Variants in MB21D2 observed in about 807,000 individuals in gnomAD.
MB21D2 encodes Mab-21 domain containing 2.
Under a neutral mutation model 33.3 loss-of-function variants are expected in MB21D2, and 9 were observed. That is an observed-to-expected ratio of 0.27 (90% CI 0.16 to 0.47). The LOEUF is 0.47. Ranked by LOEUF, MB21D2 falls within the 20% of genes least tolerant of loss-of-function variation. MB21D2 has a pLI of 0.99. For missense variants in MB21D2, 540 were observed against 624.6 expected (o/e 0.86, Z 1.44); for synonymous variants, 241 against 236.3 (o/e 1.02, Z -0.18).
intron 1 of MB21D2, among the ~76,000 whole-genome samples, chr3:192,802,619 T>C (rs538799118): frequency 1.1e-4 from 16 of 152,348 alleles, no homozygotes; most frequent in Non-Finnish European, 1.9e-4. Flanking sequence ...ATCTTTGCCA[T>C]GTAAAGAAAT....
At chr3:192,870,338 G>A (rs1001637281) in intron 1 of MB21D2, among the ~76,000 whole-genome samples, 2 of 152,136 alleles carry the variant, frequency 1.3e-5, no homozygotes, top group Non-Finnish European at 2.9e-5. Flanking sequence ...TAGTGAGCAC[G>A]ACGAGTGAGC....
At chr3:192,832,370 GA>G (rs1712332805) in intron 1 of MB21D2, among the ~76,000 whole-genome samples, 1 of 152,124 alleles carries the variant, frequency 6.6e-6, no homozygotes, top group South Asian at 2.1e-4. Context: ...AGATTTTACT[GA>G]AGGCCAATGC....
intron 1 of MB21D2, among the ~76,000 whole-genome samples, chr3:192,815,167 T>C (rs976275051): frequency 2.0e-5 from 3 of 152,224 alleles, no homozygotes; most frequent in Non-Finnish European, 4.4e-5. Flanking sequence ...GTTATATATG[T>C]GTTCCCCACA....
chr3:192,867,820 T>C (rs1265632138), intron 1 of MB21D2, among the ~76,000 whole-genome samples: 1 of 152,158 alleles, frequency 6.6e-6, no homozygotes, highest in Non-Finnish European at 1.5e-5. Context: ...TTCCACTTCA[T>C]ATCTCTTGGA....
At chr3:192,834,021 A>G (rs1038139857) in intron 1 of MB21D2, among the ~76,000 whole-genome samples, 2 of 152,170 alleles carry the variant, frequency 1.3e-5, no homozygotes, top group African/African-American at 2.4e-5. Context: ...GAGGTCAACG[A>G]TCTCAGTTCA....
Position 192,814,813 on chromosome 3 carries a change from T to C in MB21D2, c.212-15163A>G, listed in dbSNP as rs947371873. Among the ~76,000 whole-genome samples, 39 of 149,312 alleles carry C rather than the reference T, an allele frequency of 2.6e-4. 1 individual carries two copies. The Middle Eastern group carries it at 0.021, about 80-fold the overall frequency. ...CCAGGAGGTGGAGCTTGCAGTGAGCTGAGATTGTGCCACTGCATTCCAGCC... is the reference window on the plus strand; with the variant it reads ...CCAGGAGGTGGAGCTTGCAGTGAGCCGAGATTGTGCCACTGCATTCCAGCC... On this transcript the variant is annotated intron_variant, in intron 1 of 1. Coordinates refer to ENST00000392452, the MANE Select transcript of MB21D2 (RefSeq NM_178496.4).
chr3:192,837,836 C>T (rs915572260), intron 1 of MB21D2, among the ~76,000 whole-genome samples: 18 of 152,176 alleles, frequency 1.2e-4, no homozygotes, highest in African/African-American at 4.3e-4. Context: ...GAGAAGTAGC[C>T]AGTGCCAACA....
chr3:192,811,070 C>G (rs955384146), intron 1 of MB21D2, among the ~76,000 whole-genome samples: 4 of 152,160 alleles, frequency 2.6e-5, no homozygotes, highest in Non-Finnish European at 5.9e-5. Context: ...CAGCCACTGC[C>G]AGGAAGTGCA....
intron 1 of MB21D2, among the ~76,000 whole-genome samples, chr3:192,800,380 T>C (rs1309937879): frequency 1.3e-5 from 2 of 152,140 alleles, no homozygotes; most frequent in Non-Finnish European, 2.9e-5. Flanking sequence ...ACGCCCAGTC[T>C]TGTCTGACTT....
intron 1 of MB21D2, among the ~76,000 whole-genome samples, chr3:192,904,460 AT>A (rs1714165030): frequency 6.6e-6 from 1 of 152,106 alleles, no homozygotes. Flanking sequence ...AAATCTGGAG[AT>A]TTTTCATAAA....
intron 1 of MB21D2, among the ~76,000 whole-genome samples, chr3:192,836,620 G>A (rs1157521773): frequency 1.3e-5 from 2 of 152,136 alleles, no homozygotes; most frequent in Non-Finnish European, 2.9e-5. Context: ...ACGGAGAGGG[G>A]CCTCAGGAGA....
chr3:192,811,981 T>C (rs781679060), intron 1 of MB21D2, among the ~76,000 whole-genome samples: 4 of 152,180 alleles, frequency 2.6e-5, no homozygotes, highest in Non-Finnish European at 5.9e-5. Flanking sequence ...AAATGATATA[T>C]TTAGTTTCTT....
chr3:192,828,660 A>C, intron 1 of MB21D2, among the ~76,000 whole-genome samples: 1 of 71,114 alleles, frequency 1.4e-5, no homozygotes, highest in African/African-American at 4.7e-5. Context: ...ATATATATAT[A>C]TATTTTGAGA....
chr3:192,827,089 G>A (rs1347071096), intron 1 of MB21D2, among the ~76,000 whole-genome samples: 4 of 151,934 alleles, frequency 2.6e-5, no homozygotes, highest in Non-Finnish European at 4.4e-5. Context: ...GTAGAGACGG[G>A]GTTTCACCAT....
chr3:192,864,860 C>G lies in MB21D2; in HGVS notation c.211+52770G>C, dbSNP rs564701417. Among the ~76,000 whole-genome samples the G allele has an allele frequency of 2.0e-5, 3 of 152,230 alleles. No homozygotes were observed. In the East Asian group the frequency reaches 5.8e-4, roughly 29 times the overall value. Reference sequence around the variant, plus strand: ...AGTGACTGCCCTCTCACCCAGAGCACTGTTATTTCTACTATTTCATTTTTA... The same window carrying G: ...AGTGACTGCCCTCTCACCCAGAGCAGTGTTATTTCTACTATTTCATTTTTA... On this transcript the variant is annotated intron_variant, in intron 1 of 1. Coordinates refer to ENST00000392452, the MANE Select transcript of MB21D2 (RefSeq NM_178496.4).
At chr3:192,824,508 T>C (rs1413593614) in intron 1 of MB21D2, among the ~76,000 whole-genome samples, 1 of 151,256 alleles carries the variant, frequency 6.6e-6, no homozygotes, top group African/African-American at 2.4e-5. Context: ...AATAAATAAA[T>C]AAATAAATAA....
chr3:192,810,440 A>G (rs1267277620), intron 1 of MB21D2, among the ~76,000 whole-genome samples: 1 of 146,224 alleles, frequency 6.8e-6, no homozygotes, highest in East Asian at 1.9e-4. Flanking sequence ...CGAATTTGCT[A>G]AACTAGCTTT....
At position 192,820,935 on chromosome 3, in the gene MB21D2, T is replaced by A. The variant is rs979310496; in HGVS notation, c.212-21285A>T. ...GGTGCCACCACACCCAGCTTTTTTT[T>A]ATATATATTTTTTGTAGAGATGAGG... On this transcript the variant is annotated intron_variant, in intron 1 of 1. Coordinates refer to ENST00000392452, the MANE Select transcript of MB21D2 (RefSeq NM_178496.4). 3.3e-5 allele frequency among the ~76,000 whole-genome samples: 5 copies of A among 151,998 alleles called. No homozygotes were observed. In the South Asian group the frequency reaches 6.2e-4, roughly 19 times the overall value.
intron 1 of MB21D2, among the ~76,000 whole-genome samples, chr3:192,890,323 T>G (rs1560252088): frequency 6.6e-6 from 1 of 152,040 alleles, no homozygotes; most frequent in African/African-American, 2.4e-5. Context: ...ATAAAAAGAC[T>G]AAGAAGGTTT....
Sources: allele counts gnomAD v4.1 joint callset (sites outside exome capture counted in the v4.1 genomes callset), GRCh38; gene constraint gnomAD v4.1.1; transcripts MANE v1.5; gene names NCBI Gene and HGNC (gene_info 2026-07-23, HGNC 2026-07-21).